AGAP1: variants seen among roughly 807,000 people sequenced by gnomAD.
The protein encoded by AGAP1 is ArfGAP with GTPase domain, ankyrin repeat and PH domain 1.
In AGAP1, 29 loss-of-function variants were observed where a neutral mutation model predicts 105.3. The ratio of observed to expected loss-of-function variants is 0.28; its 90% confidence interval spans 0.21 to 0.38. AGAP1 has a LOEUF of 0.38. AGAP1 is among the 10% of genes least tolerant of loss of function. AGAP1 has a pLI of 1.00. For synonymous variants in AGAP1, 509 were observed against 485.9 expected, an observed-to-expected ratio of 1.05 and a Z score of -0.63; for missense variants, 998 against 1,165.1, an observed-to-expected ratio of 0.86 and a Z score of 2.09.
intron 16 of AGAP1, among the ~76,000 whole-genome samples, chr2:236,075,155 C>T (rs567041304): frequency 1.3e-5 from 2 of 152,202 alleles, no homozygotes; most frequent in South Asian, 2.1e-4. Context: ...GAAGCGGTTG[C>T]GTCGGTGTGG....
rs530765912 is a variant in AGAP1 at position 235,824,791 on chromosome 2, C to G, written c.1050+17460C>G. Among the ~76,000 whole-genome samples the G allele has an allele frequency of 3.3e-5, 5 of 152,166 alleles. No individual in the cohort carries two copies. In the East Asian group the frequency reaches 9.6e-4, roughly 29 times the overall value. Reference sequence around the variant, plus strand: ...AAGAAATGCTCAACCTAAAACACAACTGTGTTTTTCTCAGGCATATTGTTG... The same window carrying G: ...AAGAAATGCTCAACCTAAAACACAAGTGTGTTTTTCTCAGGCATATTGTTG... On this transcript the variant is annotated intron_variant, in intron 9 of 17. Coordinates refer to ENST00000304032, the MANE Select transcript of AGAP1 (RefSeq NM_001037131.3). This position sits in a 1 kb window ranked among gnomAD's most constrained non-coding sequence, Gnocchi z 5.2.
At chr2:235,656,564 C>T (rs1056146464) in intron 1 of AGAP1, among the ~76,000 whole-genome samples, 16 of 152,090 alleles carry the variant, frequency 1.1e-4, no homozygotes, top group Admixed American at 7.2e-4. Context: ...TTTTTCCCAC[C>T]GAACCACTCA....
rs2124932557 is a variant in AGAP1 at position 235,893,526 on chromosome 2, G to A, written c.1155+10077G>A. ...GCGTGGGTGTGGCATGTCCACGAGG[G>A]TGCACCATGTCTGTGGTGCGGGTGT... On this transcript the variant is annotated intron_variant, in intron 10 of 17. Transcript: ENST00000304032. This position sits in a 1 kb window ranked among gnomAD's most constrained non-coding sequence, Gnocchi z 4.7. Among the ~76,000 whole-genome samples the A allele has an allele frequency of 6.6e-6, 1 of 150,452 alleles. No individual in the cohort carries two copies. Among genetic ancestry groups the A allele is most frequent in the South Asian group, 2.1e-4 (1 of 4,710 alleles).
rs1946294121 is a variant in AGAP1 at position 235,615,969 on chromosome 2, A to G, written c.164-93210A>G. Among the ~76,000 whole-genome samples, 1 of 152,226 alleles carries G rather than the reference A, an allele frequency of 6.6e-6. No individual in the cohort carries two copies. The highest frequency in any genetic ancestry group is 2.1e-4 in the South Asian group (1 of 4,834). On this transcript the variant is annotated intron_variant, in intron 1 of 17. Transcript: ENST00000304032. This position sits in a 1 kb window ranked among gnomAD's most constrained non-coding sequence, Gnocchi z 5.0. ...ACAATAAGAAAAATATTTCCTAACT[A>G]AAGGAAATGGACACAAAATTCATAA... is the stretch of plus-strand genomic sequence containing the variant.
intron 1 of AGAP1, among the ~76,000 whole-genome samples, chr2:235,698,015 G>A (rs1950074939): frequency 6.6e-6 from 1 of 152,156 alleles, no homozygotes; most frequent in Admixed American, 6.5e-5. Flanking sequence ...ACCAGTGACT[G>A]GTTTTGTGGA....
chr2:236,124,279 C>A lies in AGAP1; in HGVS notation c.*157C>A. On this transcript the variant is annotated 3_prime_UTR_variant, in exon 18 of 18. Coordinates refer to ENST00000304032, the MANE Select transcript of AGAP1 (RefSeq NM_001037131.3). The surrounding 1 kb of genome is among the most constrained non-coding windows in gnomAD (Gnocchi z 5.1). ...CCCACTCTCACCCCAAACAAAATCACAAAACCTGGACATCCCTCAAGGGGC... is the reference window on the plus strand; with the variant it reads ...CCCACTCTCACCCCAAACAAAATCAAAAAACCTGGACATCCCTCAAGGGGC... The A allele has an allele frequency of 1.2e-6, 1 of 823,198 alleles. No homozygotes were observed. The highest frequency in any genetic ancestry group is 1.8e-6 in the Non-Finnish European group (1 of 548,900). 51.0% of individuals were successfully genotyped at this position (823,198 alleles called of 1,614,324 possible). A position where few individuals can be genotyped will look rare whatever the true frequency, so the allele number is the denominator to read the frequency against.
chr2:235,892,809 CTT>C (rs1375926069), intron 10 of AGAP1, among the ~76,000 whole-genome samples: 1 of 152,190 alleles, frequency 6.6e-6, no homozygotes, highest in Non-Finnish European at 1.5e-5. Context: ...CTCAGAGAAA[CTT>C]TTCACTGGTT....
In AGAP1 at chr2:235,919,981, TA is replaced by T. The variant is rs2052098331; in HGVS notation, c.1325-10779del. ...GAGCAGCACGTGTTCCTTCAGCAGA[TA>T]AAAATGGCAAAATGAGAATGGCACA... On this transcript the variant is annotated intron_variant, in intron 11 of 17. Transcript: ENST00000304032. This position sits in a 1 kb window ranked among gnomAD's most constrained non-coding sequence, Gnocchi z 4.1. Among the ~76,000 whole-genome samples, 1 of 152,120 alleles carries T rather than the reference TA, an allele frequency of 6.6e-6. No individual in the cohort carries two copies. The highest frequency in any genetic ancestry group is 6.5e-5 in the Admixed American group (1 of 15,276).
chr2:235,701,482 C>T lies in AGAP1; in HGVS notation c.164-7697C>T, dbSNP rs879384535. Among the ~76,000 whole-genome samples the T allele has an allele frequency of 3.3e-5, 5 of 152,054 alleles. No individual in the cohort carries two copies. Among genetic ancestry groups the T allele is most frequent in the Non-Finnish European group, 5.9e-5 (4 of 68,034 alleles). On this transcript the variant is annotated intron_variant, in intron 1 of 17. Transcript: ENST00000304032. This position sits in a 1 kb window ranked among gnomAD's most constrained non-coding sequence, Gnocchi z 4.1. ...GAATGGCAAGGTCAGGGGATGCTGT[C>T]CGGACATGTCAGGATGGGAAACTGT...
chr2:235,589,424 C>T (rs1268789351), intron 1 of AGAP1, among the ~76,000 whole-genome samples: 2 of 151,894 alleles, frequency 1.3e-5, no homozygotes, highest in Non-Finnish European at 2.9e-5. Flanking sequence ...CCAGGCTGGT[C>T]TCGAACTCCT....
chr2:235,502,228 C>A (rs1574697645), intron 1 of AGAP1, among the ~76,000 whole-genome samples: 1 of 152,152 alleles, frequency 6.6e-6, no homozygotes, highest in East Asian at 1.9e-4. Flanking sequence ...AAGTGGGTAT[C>A]GTGCTTGTGT....
In AGAP1 at chr2:235,904,028, C is replaced by T. The variant is rs569920851; in HGVS notation, c.1156-4710C>T. 1.3e-5 allele frequency among the ~76,000 whole-genome samples: 2 copies of T among 152,244 alleles called. No individual in the cohort carries two copies. Among genetic ancestry groups the T allele is most frequent in the South Asian group, 4.2e-4 (2 of 4,818 alleles). The stretch of plus-strand genomic sequence containing the variant: ...TCAGCAAGCTGAAAGCTATGGGTCT[C>T]TGACACGGCTCTCAATTGCTAGCAG... On this transcript the variant is annotated intron_variant, in intron 10 of 17. Coordinates refer to ENST00000304032, the MANE Select transcript of AGAP1 (RefSeq NM_001037131.3). This position sits in a 1 kb window ranked among gnomAD's most constrained non-coding sequence, Gnocchi z 4.2.
chr2:235,855,191 G>T lies in AGAP1; in HGVS notation c.1051-28154G>T, dbSNP rs933172220. Among the ~76,000 whole-genome samples, 1 of 152,238 alleles carries T rather than the reference G, an allele frequency of 6.6e-6. No individual in the cohort carries two copies. The highest frequency in any genetic ancestry group is 2.4e-5 in the African/African-American group (1 of 41,456). On this transcript the variant is annotated intron_variant, in intron 9 of 17. Coordinates refer to ENST00000304032, the MANE Select transcript of AGAP1 (RefSeq NM_001037131.3). This position sits in a 1 kb window ranked among gnomAD's most constrained non-coding sequence, Gnocchi z 5.0. The stretch of plus-strand genomic sequence containing the variant: ...AGGCCCCAGGTGGAAAATCGGCGTG[G>T]TGACGCATGTGCTGCCATCCCTTGG...
In AGAP1 at chr2:235,891,985, C is replaced by T. The variant is rs2050568579; in HGVS notation, c.1155+8536C>T. On this transcript the variant is annotated intron_variant, in intron 10 of 17. Coordinates refer to ENST00000304032, the MANE Select transcript of AGAP1 (RefSeq NM_001037131.3). This position sits in a 1 kb window ranked among gnomAD's most constrained non-coding sequence, Gnocchi z 4.2. ...CCTGGCCAATATGGTGAAACCCCAT[C>T]TCTACTAAAAATATAAAAACTAACC... Among the ~76,000 whole-genome samples, 3 of 152,132 alleles carry T rather than the reference C, an allele frequency of 2.0e-5. No individual in the cohort carries two copies. In the South Asian group the frequency reaches 6.2e-4, roughly 32 times the overall value.
At chr2:235,554,411 C>T (rs370309273) in intron 1 of AGAP1, among the ~76,000 whole-genome samples, 2 of 152,200 alleles carry the variant, frequency 1.3e-5, no homozygotes, top group South Asian at 2.1e-4. Flanking sequence ...GGCACCTGTG[C>T]CCGGGCATTG....
intron 9 of AGAP1, among the ~76,000 whole-genome samples, chr2:235,851,845 C>T (rs1026888817): frequency 6.6e-6 from 1 of 152,200 alleles, no homozygotes; most frequent in Non-Finnish European, 1.5e-5. Flanking sequence ...TCGCACGTCT[C>T]ATCTGCAGTA....
rs947523812 is a variant in AGAP1 at position 235,992,805 on chromosome 2, G to A, written c.1645+24182G>A. On this transcript the variant is annotated intron_variant, in intron 13 of 17. Transcript: ENST00000304032. The surrounding 1 kb of genome is among the most constrained non-coding windows in gnomAD (Gnocchi z 4.8). Reference sequence around the variant, plus strand: ...AACGTAGCCTCCTGCTGCTCTTTGGGGTAGACCAGCCGTTTCCACGCACAG... The same window carrying A: ...AACGTAGCCTCCTGCTGCTCTTTGGAGTAGACCAGCCGTTTCCACGCACAG... Among the ~76,000 whole-genome samples the A allele has an allele frequency of 6.6e-6, 1 of 152,140 alleles. No individual in the cohort carries two copies. The highest frequency in any genetic ancestry group is 1.5e-5 in the Non-Finnish European group (1 of 68,026).
At chr2:236,111,789 C>G (rs1309837990) in intron 16 of AGAP1, among the ~76,000 whole-genome samples, 1 of 120,300 alleles carries the variant, frequency 8.3e-6, no homozygotes, top group African/African-American at 2.8e-5. Context: ...GACTCTATCT[C>G]AAAAAAAAAA....
chr2:235,670,631 T>A, intron 1 of AGAP1: 1 of 618,104 alleles, frequency 1.6e-6, no homozygotes, highest in South Asian at 1.7e-5. Context: ...CCACAGCAGC[T>A]CCGGGAGCCT....
Sources: gnomAD v4.1 joint callset for allele counts (sites outside exome capture counted in the v4.1 genomes callset) on GRCh38, gnomAD v4.1.1 for gene constraint, Gnocchi (gnomAD v3.1) non-coding constraint, MANE v1.5 for transcripts, NCBI Gene and HGNC (gene_info 2026-07-23, HGNC 2026-07-21) for gene names.